Variants in ZNF407 observed in about 807,000 individuals in gnomAD.
ZNF407 encodes the protein zinc finger protein 407.
A neutral mutation model predicts 131.2 loss-of-function variants in ZNF407; 17 were observed. The ratio of observed to expected loss-of-function variants is 0.13; its 90% CI spans 0.09 to 0.19. The LOEUF is 0.19. Ranked by LOEUF, ZNF407 falls within the 10% of genes least tolerant of loss-of-function variation. The probability of loss-of-function intolerance (pLI) is 1.00; values close to 1 mark genes in which losing one functional copy is unlikely to be tolerated. For missense variants in ZNF407, 2,681 were observed against 2,830.6 expected, an observed-to-expected ratio of 0.95 and a Z score of 1.20; for synonymous variants, 1,156 against 1,062.0, an observed-to-expected ratio of 1.09 and a Z score of -1.72.
intron 4 of ZNF407, among the ~76,000 whole-genome samples, chr18:74,830,930 C>T (rs1207290278): frequency 6.6e-6 from 1 of 152,166 alleles, no homozygotes; most frequent in Non-Finnish European, 1.5e-5. Flanking sequence ...TCCCCCTACC[C>T]TTCCCAGCCT....
chr18:74,786,801 T>G (rs1213844636), intron 4 of ZNF407, among the ~76,000 whole-genome samples: 3 of 131,602 alleles, frequency 2.3e-5, no homozygotes, highest in Non-Finnish European at 4.9e-5. Flanking sequence ...ATGTTTTTTT[T>G]TTTTTTTTTT....
intron 4 of ZNF407, among the ~76,000 whole-genome samples, chr18:74,836,475 G>A (rs1970561382): frequency 6.6e-6 from 1 of 152,196 alleles, no homozygotes; most frequent in Non-Finnish European, 1.5e-5. Context: ...TCCCGAGTGA[G>A]CCCTGCTCCC....
chr18:74,896,358 A>AG (rs1971453460), intron 7 of ZNF407, among the ~76,000 whole-genome samples: 2 of 152,212 alleles, frequency 1.3e-5, no homozygotes, highest in Admixed American at 1.3e-4. Flanking sequence ...GTAACTGCCA[A>AG]TCTAGTCGAT....
In ZNF407 at chr18:74,800,019, T is replaced by A. The variant is rs1168576395; in HGVS notation, c.4877+18517T>A. Among the ~76,000 whole-genome samples the A allele has an allele frequency of 2.0e-5, 3 of 151,696 alleles. No homozygotes were observed. The East Asian group carries it at 5.8e-4, about 29-fold the overall frequency. Reference sequence around the variant, plus strand: ...GGTCCATCTTGATCATTCATTTCACTGATGAGTCCTGGCTTTCAATAACTT... The same window carrying A: ...GGTCCATCTTGATCATTCATTTCACAGATGAGTCCTGGCTTTCAATAACTT... On this transcript the variant is annotated intron_variant, in intron 4 of 8. Coordinates refer to ENST00000299687, the MANE Select transcript of ZNF407 (RefSeq NM_017757.3).
chr18:74,833,298 G>T (rs1300589944), intron 4 of ZNF407, among the ~76,000 whole-genome samples: 1 of 152,218 alleles, frequency 6.6e-6, no homozygotes, highest in Admixed American at 6.5e-5. Context: ...CCAGATTCCT[G>T]TTCTCTAGTG....
intron 3 of ZNF407, among the ~76,000 whole-genome samples, chr18:74,774,563 T>A (rs1017211769): frequency 6.6e-6 from 1 of 152,224 alleles, no homozygotes; most frequent in South Asian, 2.1e-4. Flanking sequence ...TAGGTGATGT[T>A]CTTGCCAAAA....
chr18:74,990,928 G>A (rs145488868), intron 8 of ZNF407, among the ~76,000 whole-genome samples: 1 of 152,258 alleles, frequency 6.6e-6, no homozygotes, highest in African/African-American at 2.4e-5. Flanking sequence ...GACACAGATG[G>A]CCCAGATATG....
intron 4 of ZNF407, among the ~76,000 whole-genome samples, chr18:74,820,275 C>G (rs1021701696): frequency 6.6e-6 from 1 of 152,188 alleles, no homozygotes; most frequent in African/African-American, 2.4e-5. Flanking sequence ...GCAGGCCCCA[C>G]AGGCAACTGC....
intron 4 of ZNF407, among the ~76,000 whole-genome samples, chr18:74,785,982 G>T (rs1485537009): frequency 6.6e-6 from 1 of 152,160 alleles, no homozygotes; most frequent in African/African-American, 2.4e-5. Flanking sequence ...TGCTTCACAG[G>T]GTTGTTTACA....
At chr18:74,765,145 G>C (rs1969200273) in intron 3 of ZNF407, among the ~76,000 whole-genome samples, 1 of 152,146 alleles carries the variant, frequency 6.6e-6, no homozygotes, top group Non-Finnish European at 1.5e-5. Flanking sequence ...AGGGTTCCTA[G>C]AACCAATTCC....
At chr18:74,796,838 C>T (rs1969929136) in intron 4 of ZNF407, among the ~76,000 whole-genome samples, 1 of 152,092 alleles carries the variant, frequency 6.6e-6, no homozygotes. Context: ...CATTAATTAA[C>T]CATCATATTT....
chr18:74,836,601 C>G (rs1437126994), intron 4 of ZNF407, among the ~76,000 whole-genome samples: 1 of 152,180 alleles, frequency 6.6e-6, no homozygotes, highest in Non-Finnish European at 1.5e-5. Flanking sequence ...AGGGTCGATG[C>G]CTCCGTTTCT....
intron 1 of ZNF407, among the ~76,000 whole-genome samples, chr18:74,598,751 G>A (rs1382522172): frequency 6.6e-6 from 1 of 152,262 alleles, no homozygotes; most frequent in African/African-American, 2.4e-5. Context: ...TTTCTCAGTA[G>A]ATGCTCACCT....
At chr18:74,947,341 C>G (rs931178754) in intron 8 of ZNF407, among the ~76,000 whole-genome samples, 1 of 152,060 alleles carries the variant, frequency 6.6e-6, no homozygotes, top group African/African-American at 2.4e-5. Context: ...TAAGAGGGCC[C>G]AAGTTCATGA....
intron 4 of ZNF407, among the ~76,000 whole-genome samples, chr18:74,866,604 G>A (rs1296673436): frequency 6.6e-6 from 1 of 151,884 alleles, no homozygotes; most frequent in African/African-American, 2.4e-5. Context: ...TGCAAACATA[G>A]CGTATTTGAT....
At chr18:74,601,930 T>C (rs1158732408) in intron 1 of ZNF407, among the ~76,000 whole-genome samples, 1 of 152,178 alleles carries the variant, frequency 6.6e-6, no homozygotes, top group African/African-American at 2.4e-5. Context: ...ACAAAACATG[T>C]CCCTATACAA....
intron 1 of ZNF407, among the ~76,000 whole-genome samples, chr18:74,623,607 A>G (rs1014367049): frequency 6.6e-6 from 1 of 152,276 alleles, no homozygotes; most frequent in Non-Finnish European, 1.5e-5. Flanking sequence ...TTTGATATGC[A>G]GAAAGAAACG....
chr18:74,737,183 G>A (rs551704719), intron 3 of ZNF407, among the ~76,000 whole-genome samples: 8 of 152,314 alleles, frequency 5.3e-5, no homozygotes, highest in African/African-American at 1.7e-4. Flanking sequence ...ATTCAAGAAT[G>A]TTGGAGGCAT....
chr18:74,731,905 C>T (rs555758381), intron 3 of ZNF407, among the ~76,000 whole-genome samples: 60 of 151,794 alleles, frequency 4.0e-4, no homozygotes, highest in Admixed American at 1.0e-3. Context: ...TGGAGATCAC[C>T]GTGGTAGTAT....
Sources: gnomAD v4.1 joint callset for allele counts (sites outside exome capture counted in the v4.1 genomes callset) on GRCh38, gnomAD v4.1.1 for gene constraint, MANE v1.5 for transcripts, NCBI Gene and HGNC (gene_info 2026-07-23, HGNC 2026-07-21) for gene names.